The following TOP1MT variants were observed in gnomAD, a reference collection of about 807,000 sequenced individuals.
TOP1MT encodes the protein DNA topoisomerase I mitochondrial.
A neutral mutation model predicts 73.9 loss-of-function variants in TOP1MT; 80 were observed. The ratio of observed to expected loss-of-function variants is 1.08; its 90% CI spans 0.90 to 1.30. The LOEUF (loss-of-function observed/expected upper bound fraction) is 1.30. TOP1MT is among the 50% of genes most tolerant of loss of function. TOP1MT has a pLI of 0.00. For synonymous variants in TOP1MT, 338 were observed against 326.4 expected (o/e 1.04, Z -0.38); for missense variants, 815 against 808.0 (o/e 1.01, Z -0.10).
In TOP1MT at chr8:143,341,531, C is replaced by T. The variant is rs1817080674; in HGVS notation, c.29+1689G>A. On this transcript the variant is annotated intron_variant, in intron 2 of 5. Coordinates refer to the TOP1MT transcript ENST00000518007. The surrounding 1 kb of genome is among the most constrained non-coding windows in gnomAD (Gnocchi z 4.1). ...CCCCAGAGGAGGAGGGAAGGTTCAC[C>T]TTCCCCACCCCAGCAATGGCTGCCC... 2.0e-5 allele frequency among the ~76,000 whole-genome samples: 3 copies of T among 152,260 alleles called. No homozygotes were observed. Among genetic ancestry groups the T allele is most frequent in the Admixed American group, 6.5e-5 (1 of 15,290 alleles).
intron 2 of TOP1MT, 116 bp from the exon 3 acceptor site, chr8:143,329,587 G>T: frequency 7.7e-7 from 1 of 1,296,942 alleles, no homozygotes; most frequent in Non-Finnish European, 1.1e-6. Flanking sequence ...AGAGCAAGAA[G>T]CTAGGCCTTC....
rs757282284 is a variant in TOP1MT at position 143,329,309 on chromosome 8, C to A, written c.360+41G>T. 1.9e-6 allele frequency: 3 copies of A among 1,542,804 alleles called. No individual in the cohort carries two copies. In the East Asian group the frequency reaches 7.5e-5, roughly 38 times the overall value. Reference sequence around the variant, plus strand: ...TGCAGAACCGCAGACGCCTAGCCAGCCAGGTCCAGGACAGCTGTGGCGGCC... The same window carrying A: ...TGCAGAACCGCAGACGCCTAGCCAGACAGGTCCAGGACAGCTGTGGCGGCC... On this transcript the variant is annotated intron_variant, in intron 3 of 13. Coordinates refer to ENST00000329245, the MANE Select transcript of TOP1MT (RefSeq NM_052963.3).
At chr8:143,335,485 G>T (rs1413734878), upstream of TOP1MT, among the ~76,000 whole-genome samples, 2 of 152,200 alleles carry the variant, frequency 1.3e-5, no homozygotes, top group Non-Finnish European at 1.5e-5. Flanking sequence ...CCAGAGACCA[G>T]GCACAGCTGG....
intron 12 of TOP1MT, chr8:143,310,466 A>G: frequency 2.6e-6 from 1 of 379,318 alleles, no homozygotes. Flanking sequence ...CCTGACTCGC[A>G]GGAGGGTGAG....
At chr8:143,352,508 C>G (rs896829076) in intron 1 of TOP1MT, among the ~76,000 whole-genome samples, 3 of 152,178 alleles carry the variant, frequency 2.0e-5, no homozygotes, top group Admixed American at 2.0e-4. Context: ...TTCCTCACAT[C>G]AAATGCAAAT....
chr8:143,359,268 G>A (rs184932598), upstream of TOP1MT: 10 of 985,184 alleles, frequency 1.0e-5, no homozygotes, highest in Non-Finnish European at 1.2e-5. Context: ...GCAAACCTGA[G>A]GTGTTACAAG....
intron 10 of TOP1MT, among the ~76,000 whole-genome samples, chr8:143,316,385 C>G (rs1031526481): frequency 9.0e-6 from 1 of 110,716 alleles, no homozygotes; most frequent in Non-Finnish European, 2.1e-5. Flanking sequence ...TCCCAGGCCC[C>G]ATGGCAAGGA....
chr8:143,309,768 A>G, intron 13 of TOP1MT: 1 of 1,533,510 alleles, frequency 6.5e-7, no homozygotes, highest in East Asian at 2.5e-5. Context: ...GTGTCCACCG[A>G]GCAGGGCGCT....
chr8:143,324,019 C>A lies in TOP1MT; in HGVS notation c.940G>T (p.Ala314Ser). ...REMKTRQRAVALYFIDKLALR... is the reference protein window; with the variant it reads ...REMKTRQRAVSLYFIDKLALR... ...CATACCTTATCGATGAAATACAGGG[C>A]CACCGCCCGCTGTCTCGTCTTCATT... The change falls in exon 7 of 14, where the codon GCC becomes TCC. Residue 314 changes from alanine (A) to serine (S), a missense_variant. Ala to Ser is a moderately conservative substitution (Grantham distance 99, BLOSUM62 1). Transcript: ENST00000329245. 6.2e-7 allele frequency: 1 copy of A among 1,613,758 alleles called. No homozygotes were observed. The highest frequency in any genetic ancestry group is 8.5e-7 in the Non-Finnish European group (1 of 1,180,022).
intron 1 of TOP1MT, among the ~76,000 whole-genome samples, chr8:143,332,219 G>A (rs1472946891): frequency 3.3e-5 from 5 of 152,218 alleles, no homozygotes; most frequent in Admixed American, 6.5e-5. Context: ...AAACCCATAC[G>A]AAGGGCTCAA....
rs373795510 is a variant in TOP1MT, at chr8:143,309,483, G to A, written c.1764C>T (p.Phe588=). The A allele has an allele frequency of 9.9e-6, 16 of 1,613,834 alleles. No homozygotes were observed. The highest frequency in any genetic ancestry group is 9.9e-5 in the South Asian group (9 of 91,094). ...KIYSKTQRER[F]AWALAMAGED... ...CTCCTGCCATGGCGAGAGCCCAGGCGAACCTCTCCCGCTGTGTTTTGCTGT... is the reference window on the plus strand; with the variant it reads ...CTCCTGCCATGGCGAGAGCCCAGGCAAACCTCTCCCGCTGTGTTTTGCTGT... Residue 588 remains phenylalanine (F), a synonymous_variant, in exon 14 of 14, where the codon TTC becomes TTT. Transcript: ENST00000329245.
intron 2 of TOP1MT, among the ~76,000 whole-genome samples, chr8:143,342,458 TC>T: frequency 2.2e-5 from 3 of 135,446 alleles, no homozygotes; most frequent in African/African-American, 9.5e-5. Flanking sequence ...AGAGACAGAG[TC>T]TCGCTCTGTT....
intron 8 of TOP1MT, 48 bp downstream of exon 8, chr8:143,321,153 A>G: frequency 1.3e-6 from 2 of 1,508,432 alleles, no homozygotes; most frequent in South Asian, 1.3e-5. Flanking sequence ...AGACATCCAG[A>G]GCAAATACGT....
At chr8:143,345,783 C>T (rs145814178), upstream of TOP1MT, among the ~76,000 whole-genome samples, 476 of 152,326 alleles carry the variant, frequency 3.1e-3, 5 homozygotes, top group Non-Finnish European at 2.7e-3. Context: ...AAATCATCGA[C>T]ACTTTTTCTA....
rs1181586296 is a variant in TOP1MT, at chr8:143,322,595, ATG to A, written c.961-1211_961-1210del. Among the ~76,000 whole-genome samples, 549 of 124,400 alleles carry A rather than the reference ATG, an allele frequency of 4.4e-3. 16 individuals carry two copies. The highest frequency in any genetic ancestry group is 0.018 in the African/African-American group (527 of 28,518). The allele number at this position is 124,400 out of a possible 152,430, so 81.6% of individuals were successfully genotyped here. ...CGCCACACACATGCACGCCACACAC[ATG>A]CAGGCCACACACATGCATGCCACAC... On this transcript the variant is annotated intron_variant, in intron 7 of 13. Transcript: ENST00000329245.
chr8:143,342,397 T>C lies in TOP1MT; in HGVS notation c.29+823A>G, dbSNP rs181984204. ...TATTAGAGACAGAGCCTCGCTGTTATTATTATTATTATTAGAGACAGAGTC... is the reference window on the plus strand; with the variant it reads ...TATTAGAGACAGAGCCTCGCTGTTACTATTATTATTATTAGAGACAGAGTC... On this transcript the variant is annotated intron_variant, in intron 2 of 5. Transcript: ENST00000518007. 6.9e-5 allele frequency among the ~76,000 whole-genome samples: 7 copies of C among 101,776 alleles called. No homozygotes were observed. In the East Asian group the frequency reaches 1.3e-3, roughly 19 times the overall value. The allele number at this position is 101,776 out of a possible 152,430, so 66.8% of individuals were successfully genotyped here.
intron 1 of TOP1MT, among the ~76,000 whole-genome samples, chr8:143,351,127 C>G (rs536186408): frequency 6.6e-6 from 1 of 152,352 alleles, no homozygotes; most frequent in Admixed American, 6.5e-5. Flanking sequence ...GATGTCTCCT[C>G]ATGGTAACTT....
intron 1 of TOP1MT, among the ~76,000 whole-genome samples, chr8:143,353,822 G>A (rs1017245391): frequency 1.3e-5 from 2 of 151,774 alleles, no homozygotes; most frequent in Admixed American, 6.6e-5. Flanking sequence ...AAATTAGCCA[G>A]GCGTGGTGGC....
At chr8:143,320,779 A>G (rs539048693) in intron 8 of TOP1MT, among the ~76,000 whole-genome samples, 6 of 152,312 alleles carry the variant, frequency 3.9e-5, no homozygotes, top group African/African-American at 1.4e-4. Flanking sequence ...TGGCCCCACC[A>G]GATGCTGGGA....
Sources: allele counts gnomAD v4.1 joint callset (sites outside exome capture counted in the v4.1 genomes callset), GRCh38; gene constraint gnomAD v4.1.1; non-coding constraint Gnocchi (gnomAD v3.1); transcripts MANE v1.5; gene names NCBI Gene and HGNC (gene_info 2026-07-23, HGNC 2026-07-21).